The following REEP3 variants were observed in gnomAD, a reference collection of about 807,000 sequenced individuals.
REEP3 encodes the protein receptor accessory protein 3, also known as receptor expression-enhancing protein 3.
A neutral mutation model predicts 41.3 loss-of-function variants in REEP3; 20 were observed. The observed-to-expected ratio is 0.48, with a 90% CI of 0.34 to 0.70. The LOEUF is 0.70. Ranked by LOEUF, REEP3 falls within the 30% of genes least tolerant of loss-of-function variation. The pLI is 0.01. For missense variants in REEP3, 271 were observed against 308.8 expected, an observed-to-expected ratio of 0.88 and a Z score of 0.92; for synonymous variants, 104 against 101.8, an observed-to-expected ratio of 1.02 and a Z score of -0.13.
At chr10:63,585,106 G>A (rs978999818) in intron 2 of REEP3, among the ~76,000 whole-genome samples, 3 of 152,178 alleles carry the variant, frequency 2.0e-5, no homozygotes, top group African/African-American at 7.2e-5. Flanking sequence ...GTGATAAACT[G>A]CTGCTTGCAG....
chr10:63,571,924 A>C (rs974188237), intron 2 of REEP3, among the ~76,000 whole-genome samples: 1 of 152,198 alleles, frequency 6.6e-6, no homozygotes, highest in Non-Finnish European at 1.5e-5. Flanking sequence ...TACCTTTAGA[A>C]ACACAGGTGA....
At chr10:63,579,105 C>G (rs532659714) in intron 2 of REEP3, among the ~76,000 whole-genome samples, 19 of 151,442 alleles carry the variant, frequency 1.3e-4, no homozygotes, top group African/African-American at 4.6e-4. Context: ...CATCTCAGCT[C>G]ACTGCAACCT....
chr10:63,578,394 A>G (rs1014011578), intron 2 of REEP3, among the ~76,000 whole-genome samples: 5 of 152,038 alleles, frequency 3.3e-5, no homozygotes, highest in Admixed American at 6.6e-5. Flanking sequence ...CACAGCGCCC[A>G]CCCGATTTAC....
At chr10:63,598,330 A>G (rs1956136017) in intron 4 of REEP3, among the ~76,000 whole-genome samples, 186 bp downstream of exon 4, 1 of 151,424 alleles carries the variant, frequency 6.6e-6, no homozygotes, top group Non-Finnish European at 1.5e-5. Flanking sequence ...AAATACAAAA[A>G]AAAATTAACC....
intron 1 of REEP3, among the ~76,000 whole-genome samples, chr10:63,544,066 G>T (rs1955555165): frequency 6.6e-6 from 1 of 152,174 alleles, no homozygotes; most frequent in South Asian, 2.1e-4. Context: ...CAGAGAAAAT[G>T]AACTTTCAAT....
At chr10:63,589,792 T>TTTTC (rs1956042257) in intron 2 of REEP3, among the ~76,000 whole-genome samples, 1 of 132,898 alleles carries the variant, frequency 7.5e-6, no homozygotes, top group East Asian at 2.1e-4. Flanking sequence ...CATCTTTTTT[T>TTTTC]TTTTTTTTTT....
At chr10:63,576,294 G>A (rs1188389011) in intron 2 of REEP3, among the ~76,000 whole-genome samples, 1 of 152,132 alleles carries the variant, frequency 6.6e-6, no homozygotes, top group South Asian at 2.1e-4. Context: ...AAGCAGTGTG[G>A]ATTAAAACAA....
At chr10:63,592,378 C>A (rs986085104) in intron 2 of REEP3, among the ~76,000 whole-genome samples, 1 of 152,114 alleles carries the variant, frequency 6.6e-6, no homozygotes, top group Non-Finnish European at 1.5e-5. Context: ...GAGTCTAGGG[C>A]AGTATAAATG....
chr10:63,574,847 C>CTTTTTT (rs56001048), intron 2 of REEP3, among the ~76,000 whole-genome samples: 4 of 58,890 alleles, frequency 6.8e-5, no homozygotes, highest in African/African-American at 1.3e-4. Flanking sequence ...AGGTCAATTT[C>CTTTTTT]TTTTTTTTTT....
chr10:63,539,521 A>G (rs1395610399), intron 1 of REEP3, among the ~76,000 whole-genome samples: 1 of 152,152 alleles, frequency 6.6e-6, no homozygotes, highest in African/African-American at 2.4e-5. Context: ...ATCCAGGTAC[A>G]GTGGTGTGTA....
intron 5 of REEP3, among the ~76,000 whole-genome samples, chr10:63,600,999 A>G (rs1956167065): frequency 6.6e-6 from 1 of 152,086 alleles, no homozygotes; most frequent in African/African-American, 2.4e-5. Context: ...CTAAAAATAC[A>G]AAGATTAGCT....
chr10:63,523,924 A>T (rs1589853659), intron 1 of REEP3, among the ~76,000 whole-genome samples: 1 of 151,854 alleles, frequency 6.6e-6, no homozygotes. Flanking sequence ...AGACAAGGAG[A>T]CTCCTTAGGA....
intron 2 of REEP3, among the ~76,000 whole-genome samples, chr10:63,591,626 A>G (rs1956064988): frequency 3.3e-5 from 5 of 152,194 alleles, no homozygotes; most frequent in Admixed American, 3.3e-4. Flanking sequence ...TATTCTCACA[A>G]CCTAAACAGA....
At chr10:63,558,596 G>C (rs1192716467) in intron 1 of REEP3, among the ~76,000 whole-genome samples, 1 of 152,082 alleles carries the variant, frequency 6.6e-6, no homozygotes. Flanking sequence ...AGCCCAGCCT[G>C]GCCAACATGG....
intron 2 of REEP3, among the ~76,000 whole-genome samples, chr10:63,586,029 T>G (rs933769064): frequency 6.6e-6 from 1 of 152,220 alleles, no homozygotes; most frequent in Non-Finnish European, 1.5e-5. Flanking sequence ...ATTGAAAATG[T>G]TAAGAGATCA....
intron 1 of REEP3, among the ~76,000 whole-genome samples, chr10:63,561,325 T>C (rs1455428607): frequency 6.6e-6 from 1 of 152,112 alleles, no homozygotes; most frequent in African/African-American, 2.4e-5. Context: ...ATTTAGAAGT[T>C]TATGGAGGAA....
intron 2 of REEP3, among the ~76,000 whole-genome samples, chr10:63,579,654 AC>A (rs977445909): frequency 6.6e-6 from 1 of 152,234 alleles, no homozygotes; most frequent in African/African-American, 2.4e-5. Flanking sequence ...TAATACTTAA[AC>A]CTAAGAGGCT....
At chr10:63,615,939 C>A (rs866231208) in intron 6 of REEP3, among the ~76,000 whole-genome samples, 1 of 152,312 alleles carries the variant, frequency 6.6e-6, no homozygotes, top group Middle Eastern at 3.4e-3. Flanking sequence ...ACCTGCTATA[C>A]TACAGTAACC....
At chr10:63,561,121 A>C (rs750651493) in intron 1 of REEP3, among the ~76,000 whole-genome samples, 11 of 152,236 alleles carry the variant, frequency 7.2e-5, no homozygotes, top group Non-Finnish European at 1.3e-4. Context: ...TTAATACAGA[A>C]GTTAAAAAAT....
Sources: gnomAD v4.1 joint callset for allele counts (sites outside exome capture counted in the v4.1 genomes callset) on GRCh38, gnomAD v4.1.1 for gene constraint, MANE v1.5 for transcripts, NCBI Gene and HGNC (gene_info 2026-07-23, HGNC 2026-07-21) for gene names.